Variants in SMCO2 observed in about 807,000 individuals in gnomAD.
SMCO2 encodes the protein single-pass membrane and coiled-coil domain-containing protein 2.
SMCO2 carries 25 observed loss-of-function variants against 29.5 expected under a neutral mutation model. The ratio of observed to expected loss-of-function variants is 0.85; its 90% CI spans 0.62 to 1.18. The LOEUF (loss-of-function observed/expected upper bound fraction) is 1.18. SMCO2 is among the 50% of genes most tolerant of loss of function. SMCO2 has a pLI of 0.00. For missense variants in SMCO2, 348 were observed against 344.5 expected (o/e 1.01, Z -0.08); for synonymous variants, 117 against 123.3 (o/e 0.95, Z 0.34).
Position 27,488,413 on chromosome 12 carries a change from G to A in SMCO2, c.363-47G>A, listed in dbSNP as rs145820348. ...AGATCAAAATTACCTCCTCTCTTGG[G>A]TGATTTTTCTTAATCTGCAGGCCTT... is the stretch of plus-strand genomic sequence containing the variant. On this transcript the variant is annotated intron_variant, in intron 4 of 7. Coordinates refer to ENST00000298876, the Ensembl canonical transcript of SMCO2. The A allele has an allele frequency of 6.1e-4, 806 of 1,314,294 alleles. 9 individuals carry two copies. The African/African-American group carries it at 0.011, about 18-fold the overall frequency. The allele number at this position is 1,314,294 out of a possible 1,614,324, so 81.4% of individuals were successfully genotyped here. A position where few individuals can be genotyped will look rare whatever the true frequency, so the allele number is the denominator to read the frequency against.
At chr12:27,470,260 T>C (rs1949529694) in intron 1 of SMCO2, among the ~76,000 whole-genome samples, 1 of 152,202 alleles carries the variant, frequency 6.6e-6, no homozygotes, top group South Asian at 2.1e-4. Context: ...TTTTGCCCTT[T>C]TTACTTTTTA....
chr12:27,446,632 C>T, the SMCO2 span: 10 of 152,218 alleles, frequency 6.6e-5, no homozygotes, highest in East Asian at 1.9e-3. Context: ...GATGTTGATC[C>T]TCGAGTTTAA....
intron 2 of SMCO2, 117 bp downstream of exon 2, chr12:27,470,882 C>T (rs1949535803): frequency 2.5e-6 from 3 of 1,181,970 alleles, no homozygotes; most frequent in Non-Finnish European, 3.5e-6. Flanking sequence ...TGACAGTCTT[C>T]ACTATAATTT....
At chr12:27,477,755 T>G (rs1431897837) in intron 4 of SMCO2, among the ~76,000 whole-genome samples, 1 of 151,904 alleles carries the variant, frequency 6.6e-6, no homozygotes, top group African/African-American at 2.4e-5. Context: ...TTTATTTCAT[T>G]CATTGAATTC....
intron 4 of SMCO2, among the ~76,000 whole-genome samples, chr12:27,488,145 G>A (rs899632298): frequency 6.6e-6 from 1 of 151,994 alleles, no homozygotes; most frequent in African/African-American, 2.4e-5. Context: ...TTAAGCCTAA[G>A]AACTCTTCTC....
the SMCO2 span, among the ~76,000 whole-genome samples, chr12:27,457,458 T>G: frequency 2.0e-5 from 3 of 152,224 alleles, no homozygotes. Context: ...CTCAAAATAG[T>G]CTCACGTGGT....
At chr12:27,495,023 T>A (rs114415147) in intron 6 of SMCO2, among the ~76,000 whole-genome samples, 2,653 of 152,154 alleles carry the variant, frequency 0.017, 84 homozygotes, top group African/African-American at 0.061. Context: ...CCTCAAAAAA[T>A]AACTCCATCT....
chr12:27,485,503 G>T (rs371821716), intron 4 of SMCO2, among the ~76,000 whole-genome samples: 1 of 146,208 alleles, frequency 6.8e-6, no homozygotes, highest in Non-Finnish European at 1.5e-5. Flanking sequence ...AGGCTGGAGT[G>T]CAGTGGCGTG....
the SMCO2 span, chr12:27,425,161 C>T: frequency 6.6e-6 from 1 of 151,904 alleles, no homozygotes; most frequent in East Asian, 1.9e-4. Flanking sequence ...TTTTCCAGTT[C>T]ACTTGTGCTC....
the SMCO2 span, among the ~76,000 whole-genome samples, chr12:27,429,501 C>T: frequency 3.3e-5 from 5 of 151,840 alleles, no homozygotes; most frequent in Admixed American, 1.3e-4. Context: ...ATAGTCCCCA[C>T]CTTAGCCCTA....
chr12:27,484,550 T>A (rs951469522), intron 4 of SMCO2, among the ~76,000 whole-genome samples: 1 of 152,202 alleles, frequency 6.6e-6, no homozygotes, highest in Non-Finnish European at 1.5e-5. Context: ...TGTTGAAATC[T>A]GGTTTGCGTT....
chr12:27,446,434 C>T, the SMCO2 span: 4 of 152,148 alleles, frequency 2.6e-5, no homozygotes, highest in South Asian at 2.1e-4. Flanking sequence ...CACATTGGGG[C>T]GTAGGTCTTC....
chr12:27,424,283 C>T, the SMCO2 span: 2 of 152,244 alleles, frequency 1.3e-5, no homozygotes, highest in South Asian at 4.1e-4. Context: ...ATTTATTGAT[C>T]CTTGAATCTG....
At chr12:27,488,325 C>A in intron 4 of SMCO2, 135 bp from the exon 6 acceptor site, 2 of 477,890 alleles carry the variant, frequency 4.2e-6, no homozygotes, top group South Asian at 7.4e-5. Context: ...TCATTTACTT[C>A]CCATTGCAAT....
rs893524293 is a variant in SMCO2 at position 27,478,660 on chromosome 12, C to T, written c.362+3747C>T. 2.0e-5 allele frequency among the ~76,000 whole-genome samples: 3 copies of T among 152,108 alleles called. No homozygotes were observed. In the East Asian group the frequency reaches 5.8e-4, roughly 29 times the overall value. On this transcript the variant is annotated intron_variant, in intron 4 of 7. Coordinates refer to ENST00000298876, the Ensembl canonical transcript of SMCO2. The stretch of plus-strand genomic sequence containing the variant: ...GGCTGGTCCCTAAGCCCCCAGGAAA[C>T]ACACATAGGTGCAGGCAGCAGGAAG...
At chr12:27,429,055 C>T in the SMCO2 span, among the ~76,000 whole-genome samples, 1 of 152,038 alleles carries the variant, frequency 6.6e-6, no homozygotes, top group East Asian at 1.9e-4. Context: ...TCAAGCAAAA[C>T]ACAGTTGTAG....
the SMCO2 span, among the ~76,000 whole-genome samples, chr12:27,434,075 T>C: frequency 6.6e-6 from 1 of 152,190 alleles, no homozygotes; most frequent in African/African-American, 2.4e-5. Flanking sequence ...GAGAGTAACA[T>C]GCTATGTGGT....
At position 27,477,634 on chromosome 12, in the gene SMCO2, C is replaced by T. The variant is rs199873610; in HGVS notation, c.362+2721C>T. 7.2e-3 allele frequency among the ~76,000 whole-genome samples: 786 copies of T among 109,526 alleles called. 10 individuals are homozygous for T. The highest frequency in any genetic ancestry group is 0.026 in the African/African-American group (691 of 26,214). The allele number at this position is 109,526 out of a possible 152,430, so 71.9% of individuals were successfully genotyped here. A position where few individuals can be genotyped will look rare whatever the true frequency, so the allele number is the denominator to read the frequency against. ...AGGGCTTTCTTCATTCTTTTTCATT[C>T]TTTTTTTTTTTTTTTTGGCTGATTG... On this transcript the variant is annotated intron_variant, in intron 4 of 7. Transcript: ENST00000298876.
the SMCO2 span, among the ~76,000 whole-genome samples, chr12:27,452,831 A>G: frequency 6.6e-6 from 1 of 152,144 alleles, no homozygotes; most frequent in East Asian, 1.9e-4. Flanking sequence ...GGAGATGCCC[A>G]GTAGTGGGAT....
Sources: gnomAD v4.1 joint callset for allele counts (sites outside exome capture counted in the v4.1 genomes callset) on GRCh38, gnomAD v4.1.1 for gene constraint, MANE v1.5 for transcripts, NCBI Gene and HGNC (gene_info 2026-07-23, HGNC 2026-07-21) for gene names.